RASEF: variants seen among roughly 807,000 people sequenced by gnomAD.
RASEF encodes ras and EF-hand domain-containing protein.
Under a neutral mutation model 90.1 loss-of-function variants are expected in RASEF, and 68 were observed. The observed-to-expected ratio is 0.75, with a 90% CI of 0.62 to 0.92. The LOEUF (loss-of-function observed/expected upper bound fraction) is 0.92, where lower values mean the gene tolerates loss of function less well. Ranked by LOEUF, RASEF falls within the 40% of genes least tolerant of loss-of-function variation. RASEF has a pLI of 0.00. For missense variants in RASEF, 949 were observed against 937.2 expected, an observed-to-expected ratio of 1.01 and a Z score of -0.16; for synonymous variants, 331 against 345.2, an observed-to-expected ratio of 0.96 and a Z score of 0.46.
At chr9:83,037,628 C>A (rs1385735029) in intron 1 of RASEF, among the ~76,000 whole-genome samples, 2 of 151,934 alleles carry the variant, frequency 1.3e-5, no homozygotes, top group Non-Finnish European at 2.9e-5. Flanking sequence ...CACATAATTA[C>A]ATTATCTCAA....
rs1830241723 is a variant in RASEF, at chr9:83,062,862, C to T, written c.6G>A (p.Glu2=). 6.6e-7 allele frequency: 1 copy of T among 1,511,936 alleles called. No homozygotes were observed. Among genetic ancestry groups the T allele is most frequent in the Non-Finnish European group, 8.8e-7 (1 of 1,140,582 alleles). 93.7% of individuals were successfully genotyped at this position (1,511,936 alleles called of 1,614,324 possible). A position where few individuals can be genotyped will look rare whatever the true frequency, so the allele number is the denominator to read the frequency against. The change falls in exon 1 of 17, where the codon GAG becomes GAA. Residue 2 remains glutamate, a synonymous_variant. Coordinates refer to ENST00000376447, the MANE Select transcript of RASEF (RefSeq NM_152573.4). M[E]ADGDGEELAR... ...CCAGCTCCTCTCCGTCCCCATCCGC[C>T]TCCATCCCGCCTGGCGGGGGCGGCC...
At chr9:83,020,194 C>G (rs966578688) in intron 3 of RASEF, among the ~76,000 whole-genome samples, 1 of 152,088 alleles carries the variant, frequency 6.6e-6, no homozygotes, top group African/African-American at 2.4e-5. Context: ...AATGTGGCTA[C>G]AGGAGCAGGG....
At chr9:83,173,131 T>G in the RASEF span, among the ~76,000 whole-genome samples, 4 of 152,092 alleles carry the variant, frequency 2.6e-5, no homozygotes, top group African/African-American at 9.6e-5. Context: ...CAAAGCCCCT[T>G]TATATGTTAT....
At chr9:83,194,164 T>A in the RASEF span, among the ~76,000 whole-genome samples, 1 of 152,192 alleles carries the variant, frequency 6.6e-6, no homozygotes, top group Non-Finnish European at 1.5e-5. Context: ...GTATTCAGAT[T>A]TTATTAGTGT....
chr9:83,038,709 G>T (rs1829786421), intron 1 of RASEF, among the ~76,000 whole-genome samples: 1 of 151,956 alleles, frequency 6.6e-6, no homozygotes, highest in Non-Finnish European at 1.5e-5. Context: ...TTTTTGACTA[G>T]AACTAGTACA....
the RASEF span, among the ~76,000 whole-genome samples, chr9:83,093,443 C>T: frequency 1.4e-4 from 21 of 152,342 alleles, no homozygotes; most frequent in African/African-American, 4.1e-4. Flanking sequence ...CCCTGCCCCG[C>T]GGGAAGGCAG....
the RASEF span, among the ~76,000 whole-genome samples, chr9:83,164,315 A>G: frequency 6.9e-6 from 1 of 144,052 alleles, no homozygotes. Flanking sequence ...AATAGCGACA[A>G]CGTATTCAAA....
At chr9:83,139,151 G>C in the RASEF span, among the ~76,000 whole-genome samples, 14 of 152,168 alleles carry the variant, frequency 9.2e-5, no homozygotes, top group African/African-American at 3.4e-4. Context: ...AGAGTAGGGA[G>C]CTTGTTAGAC....
the RASEF span, among the ~76,000 whole-genome samples, chr9:83,136,220 T>C: frequency 1.3e-5 from 2 of 152,092 alleles, no homozygotes; most frequent in African/African-American, 4.8e-5. Context: ...GTTACAATCA[T>C]ATAATAATTT....
At chr9:83,198,504 G>A in the RASEF span, among the ~76,000 whole-genome samples, 1 of 152,146 alleles carries the variant, frequency 6.6e-6, no homozygotes, top group Non-Finnish European at 1.5e-5. Context: ...AGACCCCAGG[G>A]AGCGGCCCCA....
At chr9:83,024,957 GACAGCAAGGAGCATCCGTGTGGCACA>G (rs1270578497) in intron 2 of RASEF, among the ~76,000 whole-genome samples, 1 of 152,154 alleles carries the variant, frequency 6.6e-6, no homozygotes, top group Non-Finnish European at 1.5e-5. Flanking sequence ...TGGAGCACAC[GACAGCAAGGAGCATCCGTGTGGCACA>G]ACACACAAGA....
At chr9:83,172,405 G>A in the RASEF span, among the ~76,000 whole-genome samples, 1 of 151,512 alleles carries the variant, frequency 6.6e-6, no homozygotes, top group Non-Finnish European at 1.5e-5. Flanking sequence ...ACTTACTACT[G>A]TCATTTTGTT....
the RASEF span, among the ~76,000 whole-genome samples, chr9:83,090,681 T>C: frequency 2.6e-5 from 4 of 152,124 alleles, no homozygotes; most frequent in Admixed American, 2.0e-4. Context: ...ATTACAGGTG[T>C]GTCACTGCAC....
rs1246781550 is a variant in RASEF, at chr9:82,997,012, C to T, written c.1920G>A (p.Glu640=). The T allele has an allele frequency of 7.2e-6, 11 of 1,536,316 alleles. No homozygotes were observed. The highest frequency in any genetic ancestry group is 9.9e-6 in the Non-Finnish European group (11 of 1,109,746). The part of the protein sequence containing the change: ...LNIREWVDMI[E]DAAHETVPIM... ...CTGTTTCTCCATTATGATTTCTTACCTCAATCATATCTACCCATTCTCGTA... is the reference window on the plus strand; with the variant it reads ...CTGTTTCTCCATTATGATTTCTTACTTCAATCATATCTACCCATTCTCGTA... The change falls in exon 14 of 17, where the codon GAG becomes GAA. Residue 640 remains glutamate (E), a splice_region_variant and synonymous_variant. Coordinates refer to ENST00000376447, the MANE Select transcript of RASEF (RefSeq NM_152573.4).
chr9:82,998,190 C>G (rs111853143), intron 13 of RASEF, among the ~76,000 whole-genome samples, 175 bp downstream of exon 13: 1 of 151,864 alleles, frequency 6.6e-6, no homozygotes. Context: ...AGGAGATGTG[C>G]GAGAATATAA....
the RASEF span, among the ~76,000 whole-genome samples, chr9:83,177,354 C>T: frequency 3.3e-5 from 5 of 152,052 alleles, no homozygotes; most frequent in Non-Finnish European, 7.4e-5. Context: ...CGAAGAATTC[C>T]CTTTAGTATT....
Position 82,993,020 on chromosome 9 carries a change from T to C in RASEF, c.1926A>G (p.Ala642=). ...GCATAATGGGAACAGTCTCATGGGC[T>C]GCATCCTACCAGGAAGAAAAAAAAA... is the stretch of plus-strand genomic sequence containing the variant. ...IREWVDMIED[A]AHETVPIMLV... is the part of the protein sequence containing the mutation. The change falls in exon 15 of 17, where the codon GCA becomes GCG. Residue 642 remains alanine (A), a synonymous_variant. Coordinates refer to ENST00000376447, the MANE Select transcript of RASEF (RefSeq NM_152573.4). 6.2e-7 allele frequency: 1 copy of C among 1,612,902 alleles called. No homozygotes were observed. The highest frequency in any genetic ancestry group is 8.5e-7 in the Non-Finnish European group (1 of 1,179,666).
intron 1 of RASEF, among the ~76,000 whole-genome samples, chr9:83,043,903 G>A (rs775823199): frequency 1.1e-3 from 160 of 152,108 alleles, no homozygotes; most frequent in Non-Finnish European, 1.7e-3. Context: ...TTCTAGAAAC[G>A]CCCTTGACTA....
chr9:83,048,171 C>T, intron 1 of RASEF: 1 of 985,380 alleles, frequency 1.0e-6, no homozygotes, highest in Non-Finnish European at 1.2e-6. Flanking sequence ...AATCACAGCC[C>T]ACAGTGTAGT....
Sources: gnomAD v4.1 joint callset for allele counts (sites outside exome capture counted in the v4.1 genomes callset) on GRCh38, gnomAD v4.1.1 for gene constraint, MANE v1.5 for transcripts, NCBI Gene and HGNC (gene_info 2026-07-23, HGNC 2026-07-21) for gene names.